Variants in DCK observed in about 807,000 individuals in gnomAD.
The protein encoded by DCK is deoxycytidine kinase, also known as deoxyadenosine kinase.
DCK carries 23 observed loss-of-function variants against 38.3 expected under a neutral mutation model. The observed-to-expected ratio is 0.60, with a 90% CI of 0.43 to 0.85. The LOEUF (loss-of-function observed/expected upper bound fraction) is 0.85, where lower values mean the gene tolerates loss of function less well. Among genes scored for constraint, DCK ranks in the 40% least tolerant of loss-of-function variants. The probability of loss-of-function intolerance (pLI) is 0.00; values close to 1 mark genes in which losing one functional copy is unlikely to be tolerated. For missense variants in DCK, 259 were observed against 304.4 expected, an observed-to-expected ratio of 0.85 and a Z score of 1.11; for synonymous variants, 108 against 100.6, an observed-to-expected ratio of 1.07 and a Z score of -0.44.
At chr4:71,025,436 A>C (rs1373653309) in intron 4 of DCK, among the ~76,000 whole-genome samples, 1 of 152,108 alleles carries the variant, frequency 6.6e-6, no homozygotes, top group East Asian at 1.9e-4. Flanking sequence ...TGAACTGAAC[A>C]TAGATATTTT....
At chr4:70,999,285 C>T (rs963334197) in intron 2 of DCK, among the ~76,000 whole-genome samples, 2 of 152,150 alleles carry the variant, frequency 1.3e-5, no homozygotes, top group African/African-American at 2.4e-5. Flanking sequence ...GTTTCCTGTT[C>T]CTGTGTTAGC....
intron 2 of DCK, among the ~76,000 whole-genome samples, chr4:71,005,742 TC>T (rs1739924512): frequency 6.6e-6 from 1 of 151,876 alleles, no homozygotes. Flanking sequence ...CCTCAGGTGA[TC>T]CGCCTGCCTC....
At position 70,993,720 on chromosome 4, in the gene DCK, C is replaced by A. The variant is rs1739591845; in HGVS notation, c.-116C>A. ...GCCGGCGGGCCGGTGAGCTCACTAG[C>A]TGACCCGGCAGGTCAGGATCTGGCT... On this transcript the variant is annotated 5_prime_UTR_variant, in exon 1 of 7. In the 5' UTR this introduces an upstream ATG that the reference lacks. Coordinates refer to ENST00000286648, the MANE Select transcript of DCK (RefSeq NM_000788.3). The A allele has an allele frequency of 5.9e-6, 4 of 681,338 alleles. 1 individual carries two copies. Among genetic ancestry groups the A allele is most frequent in the Non-Finnish European group, 7.5e-6 (3 of 402,228 alleles). The allele number at this position is 681,338 out of a possible 1,614,324, so 42.2% of individuals were successfully genotyped here. A position where few individuals can be genotyped will look rare whatever the true frequency, so the allele number is the denominator to read the frequency against.
chr4:71,002,985 T>C lies in DCK; in HGVS notation c.207+4803T>C, dbSNP rs1194513043. 2.0e-5 allele frequency among the ~76,000 whole-genome samples: 3 copies of C among 152,344 alleles called. No homozygotes were observed. In the South Asian group the frequency reaches 6.2e-4, roughly 32 times the overall value. On this transcript the variant is annotated intron_variant, in intron 2 of 6. Transcript: ENST00000286648. The stretch of plus-strand genomic sequence containing the variant: ...AAGGTTAATATTGTTATGTGTGAAT[T>C]TGATCCTGTTATTATGATGCTAGCT...
chr4:71,011,335 G>T (rs1740085901), intron 2 of DCK, among the ~76,000 whole-genome samples: 1 of 142,876 alleles, frequency 7.0e-6, no homozygotes, highest in South Asian at 2.2e-4. Flanking sequence ...ACTTCCACTT[G>T]TACCTTTTGA....
intron 3 of DCK, among the ~76,000 whole-genome samples, chr4:71,022,894 G>C (rs949599409): frequency 6.6e-6 from 1 of 152,018 alleles, no homozygotes; most frequent in Non-Finnish European, 1.5e-5. Context: ...CTCTTACCTG[G>C]ATCAAGAAGA....
intron 2 of DCK, among the ~76,000 whole-genome samples, chr4:71,019,655 T>C (rs566360515): frequency 1.3e-5 from 2 of 152,336 alleles, no homozygotes; most frequent in African/African-American, 4.8e-5. Flanking sequence ...GATTAATAAT[T>C]CTTTTTATCA....
chr4:70,998,096 C>A lies in DCK; in HGVS notation c.121C>A (p.Leu41Ile). 1 of 1,604,470 alleles carries A rather than the reference C, an allele frequency of 6.2e-7. No homozygotes were observed. Among genetic ancestry groups the A allele is most frequent in the Non-Finnish European group, 8.5e-7 (1 of 1,173,256 alleles). ...AAGKSTFVNI[L>I]KQLCEDWEVV... ...AGGGAAGTCAACATTTGTGAATATCCTTAAACAATTGTGTGAAGATTGGGA... is the reference window on the plus strand; with the variant it reads ...AGGGAAGTCAACATTTGTGAATATCATTAAACAATTGTGTGAAGATTGGGA... Residue 41 changes from leucine to isoleucine, a missense_variant, in exon 2 of 7, where the codon CTT (leucine) becomes ATT (isoleucine). By Grantham distance (5) the Leu-to-Ile change is conservative. Coordinates refer to ENST00000286648, the MANE Select transcript of DCK (RefSeq NM_000788.3).
At chr4:71,003,147 G>A (rs1313886504) in intron 2 of DCK, among the ~76,000 whole-genome samples, 4 of 152,140 alleles carry the variant, frequency 2.6e-5, no homozygotes, top group Non-Finnish European at 5.9e-5. Context: ...TGTAAGGCAG[G>A]CCTTGTGGTG....
At chr4:71,015,900 C>G (rs1210525215) in intron 2 of DCK, among the ~76,000 whole-genome samples, 1 of 152,124 alleles carries the variant, frequency 6.6e-6, no homozygotes, top group Non-Finnish European at 1.5e-5. Flanking sequence ...TCTCACCACT[C>G]CTATTCAACA....
At chr4:71,025,719 C>T (rs1003466502) in intron 4 of DCK, 97 bp from the exon 5 acceptor site, 23 of 1,409,634 alleles carry the variant, frequency 1.6e-5, no homozygotes, top group South Asian at 3.8e-5. Flanking sequence ...TTTTGGCTAG[C>T]GTGAGTAGAG....
At chr4:71,024,317 G>A (rs1300218098) in intron 4 of DCK, among the ~76,000 whole-genome samples, 1 of 152,074 alleles carries the variant, frequency 6.6e-6, no homozygotes, top group Admixed American at 6.6e-5. Context: ...TTTGTGATAG[G>A]TTGTAACATA....
chr4:71,011,374 A>AT (rs1209750418), intron 2 of DCK, among the ~76,000 whole-genome samples: 1 of 148,344 alleles, frequency 6.7e-6, no homozygotes, highest in Non-Finnish European at 1.5e-5. Flanking sequence ...GTTGGCTTGT[A>AT]TTTTTTTGAG....
rs1016891057 is a variant in DCK at position 70,993,736 on chromosome 4, G to A, written c.-100G>A. On this transcript the variant is annotated 5_prime_UTR_variant, in exon 1 of 7. Transcript: ENST00000286648. Reference sequence around the variant, plus strand: ...GCTCACTAGCTGACCCGGCAGGTCAGGATCTGGCTTAGCGGCGCCGCGAGC... The same window carrying A: ...GCTCACTAGCTGACCCGGCAGGTCAAGATCTGGCTTAGCGGCGCCGCGAGC... 9 of 792,836 alleles carry A rather than the reference G, an allele frequency of 1.1e-5. No homozygotes were observed. The highest frequency in any genetic ancestry group is 1.8e-5 in the Non-Finnish European group (9 of 487,206). The allele number at this position is 792,836 out of a possible 1,614,324, so 49.1% of individuals were successfully genotyped here.
At position 70,993,699 on chromosome 4, in the gene DCK, G is replaced by C. The variant is rs886100166; in HGVS notation, c.-137G>C. ...CAAAGTCAAACCCCGACACCCGCCG[G>C]CGGGCCGGTGAGCTCACTAGCTGAC... On this transcript the variant is annotated 5_prime_UTR_variant, in exon 1 of 7. Transcript: ENST00000286648. 1.8e-4 allele frequency: 105 copies of C among 589,994 alleles called. No homozygotes were observed. The highest frequency in any genetic ancestry group is 1.3e-3 in the Middle Eastern group (3 of 2,272). 36.5% of individuals were successfully genotyped at this position (589,994 alleles called of 1,614,324 possible). A position where few individuals can be genotyped will look rare whatever the true frequency, so the allele number is the denominator to read the frequency against.
At chr4:71,013,512 A>G (rs1357568194) in intron 2 of DCK, among the ~76,000 whole-genome samples, 2 of 152,216 alleles carry the variant, frequency 1.3e-5, no homozygotes, top group African/African-American at 4.8e-5. Flanking sequence ...CCAGAGAGAA[A>G]GGTCGGGTTA....
chr4:71,017,607 G>T (rs1045944418), intron 2 of DCK, among the ~76,000 whole-genome samples: 4 of 151,884 alleles, frequency 2.6e-5, no homozygotes, highest in African/African-American at 2.4e-5. Context: ...CCATAAAAAA[G>T]GATGAGTTAA....
chr4:71,026,073 T>TAA lies in DCK; in HGVS notation c.665+143_665+144insAA. The TAA allele has an allele frequency of 4.0e-6, 4 of 1,010,676 alleles. 1 individual carries two copies. In the South Asian group the frequency reaches 1.1e-4, roughly 27 times the overall value. 62.6% of individuals were successfully genotyped at this position (1,010,676 alleles called of 1,614,324 possible). A position where few individuals can be genotyped will look rare whatever the true frequency, so the allele number is the denominator to read the frequency against. On this transcript the variant is annotated intron_variant, in intron 5 of 6. Transcript: ENST00000286648. ...TATTGGTATCTTCCAGAACTAGGTA[T>TAA]AGATTTTCATTCTCTTGATTGCAAT...
chr4:71,012,385 A>C (rs969706093), intron 2 of DCK, among the ~76,000 whole-genome samples: 2 of 152,284 alleles, frequency 1.3e-5, no homozygotes, highest in Admixed American at 6.5e-5. Context: ...CTACGGACTT[A>C]AATGTCCCTG....
Sources: gnomAD v4.1 joint callset for allele counts (sites outside exome capture counted in the v4.1 genomes callset) on GRCh38, gnomAD v4.1.1 for gene constraint, MANE v1.5 for transcripts, NCBI Gene and HGNC (gene_info 2026-07-23, HGNC 2026-07-21) for gene names.